The following PARD3B variants were observed in gnomAD, a reference collection of about 807,000 sequenced individuals.
The protein encoded by PARD3B is par-3 family cell polarity regulator beta, also known as partitioning defective 3 homolog B.
PARD3B carries 103 observed loss-of-function variants against 130.2 expected under a neutral mutation model. The ratio of observed to expected loss-of-function variants is 0.79; its 90% CI spans 0.67 to 0.93. The LOEUF is 0.93. Among genes scored for constraint, PARD3B ranks in the 40% least tolerant of loss-of-function variants. PARD3B has a pLI of 0.00. For synonymous variants in PARD3B, 583 were observed against 553.2 expected (o/e 1.05, Z -0.76); for missense variants, 1,609 against 1,499.2 (o/e 1.07, Z -1.21).
At chr2:204,624,474 CA>C (rs777142619) in intron 1 of PARD3B, among the ~76,000 whole-genome samples, 81 of 152,222 alleles carry the variant, frequency 5.3e-4, no homozygotes, top group Non-Finnish European at 1.0e-3. Context: ...GGTACCTATA[CA>C]AAAGAATTTA....
rs6737729 is a variant in PARD3B, at chr2:205,460,105, C to G, written c.3044+19433C>G. On this transcript the variant is annotated intron_variant, in intron 20 of 22. Coordinates refer to ENST00000406610, the MANE Select transcript of PARD3B (RefSeq NM_001302769.2). This position sits in a 1 kb window ranked among gnomAD's most constrained non-coding sequence, Gnocchi z 4.9. ...GATGTGCTTAATTCCAGTTTAGAAT[C>G]TGGAAAACAACTTTTTTGAGTCTCT... Among the ~76,000 whole-genome samples, 376 of 152,258 alleles carry G rather than the reference C, an allele frequency of 2.5e-3. 1 individual carries two copies. Among genetic ancestry groups the G allele is most frequent in the African/African-American group, 8.5e-3 (353 of 41,548 alleles).
At position 205,463,818 on chromosome 2, in the gene PARD3B, C is replaced by A. The variant is rs1287783570; in HGVS notation, c.3044+23146C>A. 2.0e-5 allele frequency among the ~76,000 whole-genome samples: 3 copies of A among 152,196 alleles called. No individual in the cohort carries two copies. Among genetic ancestry groups the A allele is most frequent in the South Asian group, 4.1e-4 (2 of 4,826 alleles). The stretch of plus-strand genomic sequence containing the variant: ...CCTCGAGGAAGGAAAGCCAGCCACC[C>A]TTCCCCACATACCATGCAGCTGTTG... On this transcript the variant is annotated intron_variant, in intron 20 of 22. Transcript: ENST00000406610. This position sits in a 1 kb window ranked among gnomAD's most constrained non-coding sequence, Gnocchi z 4.8.
intron 21 of PARD3B, among the ~76,000 whole-genome samples, chr2:205,547,957 G>A (rs1370192435): frequency 1.3e-5 from 2 of 152,140 alleles, no homozygotes; most frequent in African/African-American, 4.8e-5. Context: ...TGGATGAAGT[G>A]CACTAACACA....
chr2:204,948,387 A>G (rs2125819487), intron 2 of PARD3B, among the ~76,000 whole-genome samples: 1 of 152,348 alleles, frequency 6.6e-6, no homozygotes, highest in Non-Finnish European at 1.5e-5. Flanking sequence ...TAGAAGCAAG[A>G]CATTGAAGCT....
chr2:204,571,413 C>T (rs1454616855), intron 1 of PARD3B, among the ~76,000 whole-genome samples: 3 of 152,110 alleles, frequency 2.0e-5, no homozygotes, highest in Non-Finnish European at 4.4e-5. Flanking sequence ...TTACATGCTG[C>T]CAAGGAGTGG....
In PARD3B at chr2:205,015,155, T is replaced by G. The variant is rs538275568; in HGVS notation, c.395-32426T>G. Among the ~76,000 whole-genome samples, 12 of 152,196 alleles carry G rather than the reference T, an allele frequency of 7.9e-5. No individual in the cohort carries two copies. The highest frequency in any genetic ancestry group is 1.6e-4 in the Non-Finnish European group (11 of 68,042). On this transcript the variant is annotated intron_variant, in intron 3 of 22. Transcript: ENST00000406610. The surrounding 1 kb of genome is among the most constrained non-coding windows in gnomAD (Gnocchi z 4.5). ...ACACCTATTTTGTATGTTATATGTA[T>G]TATGTATACAATATGTATTTTTATG... is the stretch of plus-strand genomic sequence containing the variant.
chr2:204,711,563 T>C (rs945916334), intron 2 of PARD3B, among the ~76,000 whole-genome samples: 1 of 152,136 alleles, frequency 6.6e-6, no homozygotes, highest in Non-Finnish European at 1.5e-5. Context: ...TCTTTTTTTT[T>C]CAGACAGAGT....
At chr2:205,231,996 C>T (rs190978336) in intron 15 of PARD3B, among the ~76,000 whole-genome samples, 4 of 152,290 alleles carry the variant, frequency 2.6e-5, no homozygotes, top group East Asian at 3.9e-4. Context: ...TCTCATAATC[C>T]GTAGGACATT....
At chr2:205,573,394 G>T (rs2053627917) in intron 22 of PARD3B, among the ~76,000 whole-genome samples, 3 of 152,174 alleles carry the variant, frequency 2.0e-5, no homozygotes, top group Admixed American at 1.3e-4. Flanking sequence ...CATAGATGAG[G>T]AAGGATGGGT....
intron 4 of PARD3B, among the ~76,000 whole-genome samples, chr2:205,096,688 C>T (rs983478603): frequency 5.3e-5 from 8 of 152,158 alleles, no homozygotes; most frequent in Admixed American, 3.9e-4. Context: ...CATGAGCACC[C>T]TGTGTGCATG....
At position 204,689,922 on chromosome 2, in the gene PARD3B, C is replaced by T. The variant is rs372006535; in HGVS notation, c.222+3640C>T. ...TAAATTAACATGAATTTTGCTTTTA[C>T]GTAGTCACCACCATTGCTAAGAAAA... On this transcript the variant is annotated intron_variant, in intron 2 of 22. Transcript: ENST00000406610. The surrounding 1 kb of genome is among the most constrained non-coding windows in gnomAD (Gnocchi z 5.2). Among the ~76,000 whole-genome samples, 12 of 152,212 alleles carry T rather than the reference C, an allele frequency of 7.9e-5. No individual in the cohort carries two copies. Among genetic ancestry groups the T allele is most frequent in the African/African-American group, 2.6e-4 (11 of 41,552 alleles).
chr2:205,242,723 T>G (rs2039403455), intron 15 of PARD3B, among the ~76,000 whole-genome samples: 2 of 152,338 alleles, frequency 1.3e-5, no homozygotes, highest in South Asian at 4.1e-4. Flanking sequence ...TTTACCACTC[T>G]CACAACTTCC....
rs147800731 is a variant in PARD3B, at chr2:205,147,039, A to C, written c.1435-11683A>C. ...CCACAGTCATGTATTTTAATCACTA[A>C]ATTATTGCATGTAAAATATAATACT... On this transcript the variant is annotated intron_variant, in intron 10 of 22. Transcript: ENST00000406610. Among the ~76,000 whole-genome samples the C allele has an allele frequency of 4.6e-5, 7 of 152,264 alleles. No individual in the cohort carries two copies. The East Asian group carries it at 1.4e-3, about 29-fold the overall frequency.
In PARD3B at chr2:204,669,123, G is replaced by T. The variant is rs1411829467; in HGVS notation, c.121-17058G>T. On this transcript the variant is annotated intron_variant, in intron 1 of 22. Coordinates refer to ENST00000406610, the MANE Select transcript of PARD3B (RefSeq NM_001302769.2). This position sits in a 1 kb window ranked among gnomAD's most constrained non-coding sequence, Gnocchi z 4.3. ...TGCAGAATTAGAAGATAATAAATCAGTGTTATTGCAGTCCACTAAGTTGGT... is the reference window on the plus strand; with the variant it reads ...TGCAGAATTAGAAGATAATAAATCATTGTTATTGCAGTCCACTAAGTTGGT... Among the ~76,000 whole-genome samples, 4 of 152,172 alleles carry T rather than the reference G, an allele frequency of 2.6e-5. No individual in the cohort carries two copies. The highest frequency in any genetic ancestry group is 6.5e-5 in the Admixed American group (1 of 15,280).
chr2:205,005,512 G>A (rs1379107856), intron 3 of PARD3B, among the ~76,000 whole-genome samples: 2 of 152,126 alleles, frequency 1.3e-5, no homozygotes, highest in Non-Finnish European at 2.9e-5. Context: ...AATTAGAACT[G>A]TGGCTACTCT....
intron 11 of PARD3B, among the ~76,000 whole-genome samples, chr2:205,168,993 C>T (rs1013869107): frequency 3.3e-5 from 5 of 152,074 alleles, no homozygotes; most frequent in Non-Finnish European, 5.9e-5. Context: ...AATAGGTGTT[C>T]GATAAATGGT....
intron 4 of PARD3B, among the ~76,000 whole-genome samples, chr2:205,089,090 C>T (rs2125534305): frequency 6.6e-6 from 1 of 151,882 alleles, no homozygotes; most frequent in East Asian, 1.9e-4. Flanking sequence ...CATGAACCAC[C>T]ATGCCCGGCC....
rs981123776 is a variant in PARD3B at position 205,187,499 on chromosome 2, A to T, written c.2024+1636A>T. Among the ~76,000 whole-genome samples the T allele has an allele frequency of 1.3e-5, 2 of 152,168 alleles. No homozygotes were observed. The highest frequency in any genetic ancestry group is 2.9e-5 in the Non-Finnish European group (2 of 68,026). ...TCCCCTGGAAGCCAGGACTCTTTGG[A>T]TACCTTTTAGGGCAACTGCAGTCAG... On this transcript the variant is annotated intron_variant, in intron 14 of 22. Transcript: ENST00000406610. This position sits in a 1 kb window ranked among gnomAD's most constrained non-coding sequence, Gnocchi z 4.9.
At chr2:205,349,921 C>T (rs1053049454) in intron 18 of PARD3B, among the ~76,000 whole-genome samples, 1 of 149,496 alleles carries the variant, frequency 6.7e-6, no homozygotes, top group African/African-American at 2.5e-5. Context: ...AGTTCTATAA[C>T]CTGTAGTGTA....
Sources: gnomAD v4.1 joint callset for allele counts (sites outside exome capture counted in the v4.1 genomes callset) on GRCh38, gnomAD v4.1.1 for gene constraint, Gnocchi (gnomAD v3.1) non-coding constraint, MANE v1.5 for transcripts, NCBI Gene and HGNC (gene_info 2026-07-23, HGNC 2026-07-21) for gene names.